DAB1: variants seen among roughly 807,000 people sequenced by gnomAD.
The protein encoded by DAB1 is DAB adaptor protein 1, also known as disabled homolog 1.
In DAB1, 15 loss-of-function variants were observed where a neutral mutation model predicts 64.6. That is an observed-to-expected ratio of 0.23 (90% CI 0.16 to 0.36). The LOEUF is 0.36. DAB1 is among the 10% of genes least tolerant of loss of function. The pLI, the probability that DAB1 is intolerant of heterozygous loss-of-function variation, is 1.00. For missense variants in DAB1, 596 were observed against 706.7 expected (o/e 0.84, Z 1.78); for synonymous variants, 235 against 251.9 (o/e 0.93, Z 0.64).
At chr1:58,178,015 T>C (rs749385463) in intron 4 of DAB1, among the ~76,000 whole-genome samples, 6 of 152,212 alleles carry the variant, frequency 3.9e-5, no homozygotes, top group Non-Finnish European at 8.8e-5. Flanking sequence ...CTCAGTTGCT[T>C]CAGTGGATGT....
intron 5 of DAB1, 149 bp downstream of exon 5, chr1:57,072,134 C>T (rs2100597945): frequency 1.2e-6 from 1 of 815,570 alleles, no homozygotes; most frequent in East Asian, 3.0e-5. Flanking sequence ...GGCTGTTTAT[C>T]TTTTCTAGAT....
At chr1:56,998,481 C>G (rs1409505901) in intron 14 of DAB1, among the ~76,000 whole-genome samples, 1 of 152,150 alleles carries the variant, frequency 6.6e-6, no homozygotes, top group Non-Finnish European at 1.5e-5. Flanking sequence ...TACTGTTTAT[C>G]CTACGGGGTT....
At chr1:57,858,503 G>A (rs1375583789) in intron 1 of DAB1, among the ~76,000 whole-genome samples, 3 of 151,196 alleles carry the variant, frequency 2.0e-5, no homozygotes, top group Non-Finnish European at 3.0e-5. Context: ...GATGTAGATA[G>A]ATGATAATTA....
In DAB1 at chr1:57,294,027, G is replaced by A. The variant is rs17455840; in HGVS notation, c.-136-2861C>T. Among the ~76,000 whole-genome samples, 1,244 of 152,302 alleles carry A rather than the reference G, an allele frequency of 8.2e-3. 31 individuals are homozygous for A. Among genetic ancestry groups the A allele is most frequent in the East Asian group, 0.08 (413 of 5,186 alleles). The stretch of plus-strand genomic sequence containing the variant: ...TACAGTACTGTGAGAATGTACCACA[G>A]TGTGGACCCTGGCATCCCCTTTAAT... On this transcript the variant is annotated intron_variant, in intron 1 of 14. Coordinates refer to ENST00000371236, the MANE Select transcript of DAB1 (RefSeq NM_001365792.1).
At chr1:57,250,518 T>G (rs965094241) in intron 2 of DAB1, among the ~76,000 whole-genome samples, 1 of 152,200 alleles carries the variant, frequency 6.6e-6, no homozygotes, top group Admixed American at 6.5e-5. Context: ...GCAGTCTTAG[T>G]TTCTTTAGAG....
At chr1:57,995,312 A>C (rs898317211) in intron 5 of DAB1, among the ~76,000 whole-genome samples, 1 of 152,186 alleles carries the variant, frequency 6.6e-6, no homozygotes, top group African/African-American at 2.4e-5. Context: ...GTGCATTGTT[A>C]AAGGGACTTC....
intron 7 of DAB1, among the ~76,000 whole-genome samples, chr1:57,576,082 C>A (rs190477897): frequency 6.6e-6 from 1 of 152,126 alleles, no homozygotes; most frequent in Admixed American, 6.5e-5. Context: ...TAAACCAATG[C>A]ACATTCAGTA....
chr1:57,052,898 G>A lies in DAB1; in HGVS notation c.723+9986C>T, dbSNP rs567336719. Among the ~76,000 whole-genome samples the A allele has an allele frequency of 2.0e-5, 3 of 152,258 alleles. No individual in the cohort carries two copies. In the South Asian group the frequency reaches 6.2e-4, roughly 32 times the overall value. ...TGTTTTTCTTATATTTAGCCCAGAT[G>A]TTCACTCTCTCATTATACTACCGTG... On this transcript the variant is annotated intron_variant, in intron 9 of 14. Coordinates refer to ENST00000371236, the MANE Select transcript of DAB1 (RefSeq NM_001365792.1).
chr1:57,795,137 A>G (rs1569709453), intron 6 of DAB1, among the ~76,000 whole-genome samples: 1 of 152,260 alleles, frequency 6.6e-6, no homozygotes, highest in East Asian at 1.9e-4. Context: ...GAACATGAAC[A>G]TGAATAATAC....
chr1:57,959,603 C>T (rs2100266781), intron 5 of DAB1, among the ~76,000 whole-genome samples: 1 of 152,198 alleles, frequency 6.6e-6, no homozygotes, highest in South Asian at 2.1e-4. Context: ...AAAGGTGGTG[C>T]TTTCTTTTTC....
At chr1:58,436,602 C>T (rs1313968992) in intron 3 of DAB1, among the ~76,000 whole-genome samples, 1 of 152,134 alleles carries the variant, frequency 6.6e-6, no homozygotes, top group Non-Finnish European at 1.5e-5. Context: ...TCAGAGATTA[C>T]AAAAACAAGT....
At chr1:58,307,481 C>G (rs10158215) in intron 4 of DAB1, among the ~76,000 whole-genome samples, 3 of 152,142 alleles carry the variant, frequency 2.0e-5, no homozygotes, top group Non-Finnish European at 2.9e-5. Flanking sequence ...CTAACTCAGG[C>G]TGGGGGACTG....
intron 4 of DAB1, among the ~76,000 whole-genome samples, chr1:58,316,560 A>G (rs1662562692): frequency 6.6e-6 from 1 of 152,058 alleles, no homozygotes; most frequent in African/African-American, 2.4e-5. Flanking sequence ...CAACAGAGAG[A>G]GAGAAAAAGA....
intron 5 of DAB1, among the ~76,000 whole-genome samples, chr1:57,899,249 T>C (rs1322829952): frequency 6.6e-6 from 1 of 152,152 alleles, no homozygotes; most frequent in Non-Finnish European, 1.5e-5. Flanking sequence ...AATTTCCTCA[T>C]GAAATAGAAG....
chr1:58,007,624 T>C (rs142082830), intron 5 of DAB1, among the ~76,000 whole-genome samples: 1,918 of 152,324 alleles, frequency 0.013, 22 homozygotes, highest in Middle Eastern at 0.02. Context: ...GTCTTTAGCA[T>C]ATCCCAGCCA....
At chr1:58,323,841 C>T (rs1000965657) in intron 4 of DAB1, among the ~76,000 whole-genome samples, 11 of 147,786 alleles carry the variant, frequency 7.4e-5, no homozygotes, top group South Asian at 2.2e-4. Flanking sequence ...AGGAGAATGG[C>T]GTGAATCTGG....
chr1:57,241,968 A>G (rs1396198217), intron 2 of DAB1, among the ~76,000 whole-genome samples: 9 of 152,180 alleles, frequency 5.9e-5, no homozygotes, highest in Admixed American at 5.9e-4. Context: ...CAGTCAAGTC[A>G]TTTCCCCCAT....
Position 57,305,615 on chromosome 1 carries a change from G to A in DAB1, c.-136-14449C>T, listed in dbSNP as rs553828975. 3.9e-4 allele frequency among the ~76,000 whole-genome samples: 60 copies of A among 152,240 alleles called. 1 individual carries two copies. In the South Asian group the frequency reaches 0.012, roughly 31 times the overall value. ...AGCCTATATTCTTCAAAATTCCCAA[G>A]GAACTGCATGCTTCTATGTCTCCTG... On this transcript the variant is annotated intron_variant, in intron 1 of 14. Transcript: ENST00000371236.
rs529603557 is a variant in DAB1 at position 57,752,867 on chromosome 1, T to A, written n.552-103202A>T. ...GAGTGGCCACATGCCTGACACTTGG[T>A]AGGCATTCAATAAATCTTCCTTCCT... On this transcript the variant is annotated intron_variant and non_coding_transcript_variant, in intron 6 of 20. Coordinates refer to the DAB1 transcript ENST00000485760. 3.9e-5 allele frequency among the ~76,000 whole-genome samples: 6 copies of A among 152,346 alleles called. No homozygotes were observed. In the South Asian group the frequency reaches 1.2e-3, roughly 32 times the overall value.
Sources: gnomAD v4.1 joint callset for allele counts (sites outside exome capture counted in the v4.1 genomes callset) on GRCh38, gnomAD v4.1.1 for gene constraint, MANE v1.5 for transcripts, NCBI Gene and HGNC (gene_info 2026-07-23, HGNC 2026-07-21) for gene names.